PPA1: variants seen among roughly 807,000 people sequenced by gnomAD.
The protein encoded by PPA1 is inorganic pyrophosphatase.
A neutral mutation model predicts 41.8 loss-of-function variants in PPA1; 23 were observed. The ratio of observed to expected loss-of-function variants is 0.55; its 90% CI spans 0.40 to 0.78. PPA1 has a LOEUF of 0.78. Among genes scored for constraint, PPA1 ranks in the 30% least tolerant of loss-of-function variants. The pLI, the probability that PPA1 is intolerant of heterozygous loss-of-function variation, is 0.00. For synonymous variants in PPA1, 101 were observed against 116.8 expected, an observed-to-expected ratio of 0.86 and a Z score of 0.87; for missense variants, 320 against 361.6, an observed-to-expected ratio of 0.89 and a Z score of 0.93.
chr10:70,217,791 A>T, intron 4 of PPA1, 21 bp downstream of exon 4: 2 of 1,514,200 alleles, frequency 1.3e-6, no homozygotes, highest in Non-Finnish European at 1.8e-6. Flanking sequence ...GTACATTGTC[A>T]GCAGTTGCAT....
intron 8 of PPA1, among the ~76,000 whole-genome samples, chr10:70,207,105 A>G (rs1301630363): frequency 6.6e-6 from 1 of 152,114 alleles, no homozygotes; most frequent in African/African-American, 2.4e-5. Context: ...TTTCTGTAAA[A>G]TGTATCCAAA....
rs140534689 is a variant in PPA1, at chr10:70,210,668, T to C, written c.512-983A>G. On this transcript the variant is annotated intron_variant, in intron 6 of 10. Coordinates refer to ENST00000373232, the MANE Select transcript of PPA1 (RefSeq NM_021129.4). The stretch of plus-strand genomic sequence containing the variant: ...TGCAAGCAAACAGAGATACACATCC[T>C]AAAAAGTCAGTTAGGAAAAGTATTA... Among the ~76,000 whole-genome samples, 1,354 of 152,202 alleles carry C rather than the reference T, an allele frequency of 8.9e-3. 15 individuals carry two copies. The highest frequency in any genetic ancestry group is 0.03 in the African/African-American group (1,255 of 41,530).
At chr10:70,231,034 T>C (rs149386703) in intron 1 of PPA1, among the ~76,000 whole-genome samples, 7 of 152,308 alleles carry the variant, frequency 4.6e-5, no homozygotes, top group African/African-American at 1.7e-4. Flanking sequence ...AGGGGACCAC[T>C]TTACTAAACA....
At chr10:70,208,039 A>C (rs1839967672) in intron 8 of PPA1, among the ~76,000 whole-genome samples, 1 of 151,832 alleles carries the variant, frequency 6.6e-6, no homozygotes, top group Non-Finnish European at 1.5e-5. Context: ...AAAATACAAA[A>C]ATTAGCCGGG....
chr10:70,209,750 A>G, intron 6 of PPA1, 65 bp from the exon 7 acceptor site: 3 of 1,493,336 alleles, frequency 2.0e-6, no homozygotes, highest in Non-Finnish European at 2.7e-6. Flanking sequence ...GAAGAGAATA[A>G]GCAGATTTCA....
rs1218666892 is a variant in PPA1, at chr10:70,220,556, AT to A, written c.124-1740del. 5.5e-5 allele frequency among the ~76,000 whole-genome samples: 4 copies of A among 73,214 alleles called. 2 individuals carry two copies. The highest frequency in any genetic ancestry group is 2.1e-4 in the African/African-American group (4 of 18,606). 48.0% of individuals were successfully genotyped at this position (73,214 alleles called of 152,430 possible). A position where few individuals can be genotyped will look rare whatever the true frequency, so the allele number is the denominator to read the frequency against. ...TATATAATTTTTATGTATAATATAT[AT>A]ATAATTATATATATAATATATATAA... On this transcript the variant is annotated intron_variant, in intron 2 of 10. Coordinates refer to ENST00000373232, the MANE Select transcript of PPA1 (RefSeq NM_021129.4).
At chr10:70,207,404 C>T (rs1372641670) in intron 8 of PPA1, among the ~76,000 whole-genome samples, 1 of 152,092 alleles carries the variant, frequency 6.6e-6, no homozygotes, top group African/African-American at 2.4e-5. Context: ...TGGTGGCTCG[C>T]ATCTGTAGTC....
intron 5 of PPA1, among the ~76,000 whole-genome samples, 196 bp downstream of exon 5, chr10:70,214,303 AT>A (rs954633278): frequency 1.6e-4 from 24 of 152,286 alleles, no homozygotes; most frequent in South Asian, 1.5e-3. Context: ...ACATAGACAC[AT>A]TTTTTTCCAG....
At chr10:70,206,195 C>T in intron 9 of PPA1, 69 bp downstream of exon 9, 1 of 1,217,134 alleles carries the variant, frequency 8.2e-7, no homozygotes, top group Non-Finnish European at 1.2e-6. Flanking sequence ...CAAGTACTTC[C>T]TCTCCCCATT....
At position 70,205,192 on chromosome 10, in the gene PPA1, G is replaced by GGCCA. The variant is rs1281053791; in HGVS notation, c.796-281_796-278dup. 4 of 205,296 alleles carry GGCCA rather than the reference G, an allele frequency of 1.9e-5. No individual in the cohort carries two copies. In the East Asian group the frequency reaches 4.3e-4, roughly 22 times the overall value. 12.7% of individuals were successfully genotyped at this position (205,296 alleles called of 1,614,324 possible). A position where few individuals can be genotyped will look rare whatever the true frequency, so the allele number is the denominator to read the frequency against. ...AAGGTCAGGAGTTCAAGACCAGCCT[G>GGCCA]GCCAAGATGGTGAAACCCCGTCTCT... On this transcript the variant is annotated intron_variant, in intron 9 of 10. Transcript: ENST00000373232.
intron 2 of PPA1, among the ~76,000 whole-genome samples, chr10:70,227,501 A>G (rs577229615): frequency 1.3e-5 from 2 of 152,170 alleles, no homozygotes; most frequent in South Asian, 4.1e-4. Context: ...AAATAGAAAA[A>G]TTAGCTGGGC....
chr10:70,206,745 G>A (rs2136751292), intron 8 of PPA1, among the ~76,000 whole-genome samples: 1 of 151,560 alleles, frequency 6.6e-6, no homozygotes, highest in Admixed American at 6.6e-5. Context: ...TCGGGAGGCT[G>A]AGGCAGGAGA....
chr10:70,214,505 T>C lies in PPA1; in HGVS notation c.379A>G (p.Ser127Gly), dbSNP rs373724068. 10 of 1,611,574 alleles carry C rather than the reference T, an allele frequency of 6.2e-6. No homozygotes were observed. In the African/African-American group the frequency reaches 1.2e-4, roughly 19 times the overall value. ...AAAATGTCACATTTCATTACCTTGC[T>C]TCCAATTTCACACACATCAATTGGG... ...NDPIDVCEIG[S>G]KVCARGEIIG... is the part of the protein sequence containing the mutation. The change falls in exon 5 of 11, where the codon AGC (serine) becomes GGC (glycine). Residue 127 changes from serine to glycine, a missense_variant. Ser to Gly is a moderately conservative substitution (Grantham distance 56, BLOSUM62 0). Transcript: ENST00000373232.
intron 6 of PPA1, 96 bp downstream of exon 6, chr10:70,213,367 T>C (rs1840043581): frequency 7.0e-7 from 1 of 1,421,346 alleles, no homozygotes; most frequent in Non-Finnish European, 9.6e-7. Flanking sequence ...CTTTAACAGT[T>C]TGAAGGTAAG....
chr10:70,214,681 C>CT, intron 4 of PPA1, 95 bp from the exon 5 acceptor site: 1 of 949,902 alleles, frequency 1.1e-6, no homozygotes, highest in Non-Finnish European at 1.6e-6. Context: ...TCTTCAGCTA[C>CT]TTTTTTCTCA....
At chr10:70,208,678 C>T (rs1839978026) in intron 8 of PPA1, among the ~76,000 whole-genome samples, 1 of 151,958 alleles carries the variant, frequency 6.6e-6, no homozygotes, top group Admixed American at 6.6e-5. Flanking sequence ...TAACTCTTCT[C>T]CATTTTTCTT....
In PPA1 at chr10:70,230,893, C is replaced by T. The variant is rs529633081; in HGVS notation, c.65-494G>A. On this transcript the variant is annotated intron_variant, in intron 1 of 10. Transcript: ENST00000373232. The stretch of plus-strand genomic sequence containing the variant: ...GTTTACATCCTATGCACTCTGTAGG[C>T]ATCTAATAAGTACTAATCTCTATAG... Among the ~76,000 whole-genome samples, 5 of 152,320 alleles carry T rather than the reference C, an allele frequency of 3.3e-5. No individual in the cohort carries two copies. The East Asian group carries it at 9.6e-4, about 29-fold the overall frequency.
At chr10:70,227,923 T>C (rs1216239964) in intron 2 of PPA1, among the ~76,000 whole-genome samples, 1 of 152,026 alleles carries the variant, frequency 6.6e-6, no homozygotes, top group Admixed American at 6.6e-5. Flanking sequence ...AGAAAGAAAA[T>C]CACACTCTAA....
chr10:70,210,767 A>AT (rs199787186), intron 6 of PPA1, among the ~76,000 whole-genome samples: 2,912 of 79,704 alleles, frequency 0.037, 60 homozygotes, highest in South Asian at 0.17. Flanking sequence ...CTTCACTCCA[A>AT]TTTATTTTTT....
Sources: gnomAD v4.1 joint callset for allele counts (sites outside exome capture counted in the v4.1 genomes callset) on GRCh38, gnomAD v4.1.1 for gene constraint, MANE v1.5 for transcripts, NCBI Gene and HGNC (gene_info 2026-07-23, HGNC 2026-07-21) for gene names.